Variants in AGTRAP observed in about 807,000 individuals in gnomAD.
AGTRAP encodes type-1 angiotensin II receptor-associated protein.
AGTRAP carries 7 observed loss-of-function variants against 15.2 expected under a neutral mutation model. The observed-to-expected ratio is 0.46, with a 90% CI of 0.26 to 0.87. The LOEUF (loss-of-function observed/expected upper bound fraction) is 0.87. Among genes scored for constraint, AGTRAP ranks in the 40% least tolerant of loss-of-function variants. AGTRAP has a pLI of 0.15. For missense variants in AGTRAP, 187 were observed against 213.4 expected, an observed-to-expected ratio of 0.88 and a Z score of 0.77; for synonymous variants, 74 against 89.6, an observed-to-expected ratio of 0.83 and a Z score of 0.98.
Position 11,750,629 on chromosome 1 carries a change from G to C in AGTRAP, c.*437G>C. On this transcript the variant is annotated 3_prime_UTR_variant, in exon 5 of 5. Transcript: ENST00000314340. Reference sequence around the variant, plus strand: ...GAGGAGCAGTCTGGCATGGGAGTGAGGCCCCGTCCTTCTCACTGCCTGGTC... The same window carrying C: ...GAGGAGCAGTCTGGCATGGGAGTGACGCCCCGTCCTTCTCACTGCCTGGTC... 2.7e-6 allele frequency: 1 copy of C among 370,214 alleles called. No individual in the cohort carries two copies. The highest frequency in any genetic ancestry group is 2.0e-5 in the African/African-American group (1 of 49,130). 22.9% of individuals were successfully genotyped at this position (370,214 alleles called of 1,614,324 possible).
chr1:11,737,340 G>A (rs922753369), intron 1 of AGTRAP, among the ~76,000 whole-genome samples: 1 of 152,206 alleles, frequency 6.6e-6, no homozygotes, highest in African/African-American at 2.4e-5. Context: ...AGCAGCCGAG[G>A]CTTGTTGGTA....
intron 1 of AGTRAP, among the ~76,000 whole-genome samples, chr1:11,738,616 A>C (rs777214178): frequency 9.2e-5 from 14 of 152,312 alleles, no homozygotes; most frequent in Non-Finnish European, 1.9e-4. Context: ...TCCACACAAC[A>C]ACACTGAATC....
intron 3 of AGTRAP, 71 bp from the exon 4 acceptor site, chr1:11,748,344 T>C: frequency 6.6e-7 from 1 of 1,520,696 alleles, no homozygotes; most frequent in East Asian, 2.3e-5. Context: ...CGGCTTCCCA[T>C]CCGGTGTGTG....
chr1:11,739,826 C>G (rs917903160), intron 1 of AGTRAP, among the ~76,000 whole-genome samples: 1 of 152,220 alleles, frequency 6.6e-6, no homozygotes, highest in Admixed American at 6.5e-5. Context: ...CGGATACTTA[C>G]AGTGACCGTC....
At position 11,748,295 on chromosome 1, in the gene AGTRAP, A is replaced by G. The variant is rs1642220639; in HGVS notation, c.169-120A>G. The stretch of plus-strand genomic sequence containing the variant: ...GGGGCCCTGCCTGCTTGCTTGATCC[A>G]TTTTCCCGCAAGCCCCAAGGACACA... On this transcript the variant is annotated intron_variant, in intron 3 of 4. Transcript: ENST00000314340. 5.2e-6 allele frequency: 6 copies of G among 1,155,942 alleles called. No homozygotes were observed. The South Asian group carries it at 8.8e-5, about 17-fold the overall frequency. 71.6% of individuals were successfully genotyped at this position (1,155,942 alleles called of 1,614,324 possible).
At chr1:11,749,773 G>A (rs1352363324) in intron 4 of AGTRAP, among the ~76,000 whole-genome samples, 2 of 152,150 alleles carry the variant, frequency 1.3e-5, no homozygotes, top group Non-Finnish European at 1.5e-5. Context: ...GCCTAGGCGT[G>A]GGTCCCAGCA....
At chr1:11,749,033 T>A (rs754891480) in intron 4 of AGTRAP, among the ~76,000 whole-genome samples, 4 of 152,224 alleles carry the variant, frequency 2.6e-5, no homozygotes, top group Non-Finnish European at 5.9e-5. Context: ...CCTCTCCTGC[T>A]GCAGAGACTG....
rs1344551242 is a variant in AGTRAP at position 11,750,550 on chromosome 1, C to A, written c.*358C>A. 9.6e-6 allele frequency: 5 copies of A among 521,482 alleles called. No homozygotes were observed. Among genetic ancestry groups the A allele is most frequent in the South Asian group, 7.7e-5 (3 of 38,934 alleles). 32.3% of individuals were successfully genotyped at this position (521,482 alleles called of 1,614,324 possible). A position where few individuals can be genotyped will look rare whatever the true frequency, so the allele number is the denominator to read the frequency against. ...TGCTGATGCCCCCTCAGGCCTCCCC[C>A]AAGTTTGCTGGGCTTTGGTGGAAGC... On this transcript the variant is annotated 3_prime_UTR_variant, in exon 5 of 5. Coordinates refer to ENST00000314340, the MANE Select transcript of AGTRAP (RefSeq NM_020350.5).
chr1:11,746,258 G>C (rs774223133), intron 2 of AGTRAP: 2 of 1,532,474 alleles, frequency 1.3e-6, no homozygotes, highest in African/African-American at 1.4e-5. Flanking sequence ...CATGATTCAC[G>C]ACCTTGAGAA....
intron 1 of AGTRAP, among the ~76,000 whole-genome samples, chr1:11,740,912 G>T (rs1642014964): frequency 1.3e-5 from 2 of 152,062 alleles, no homozygotes; most frequent in South Asian, 4.1e-4. Flanking sequence ...CTGGATGTTG[G>T]GACCACTGTG....
At chr1:11,739,999 C>T (rs191879645) in intron 1 of AGTRAP, among the ~76,000 whole-genome samples, 1 of 152,328 alleles carries the variant, frequency 6.6e-6, no homozygotes, top group Non-Finnish European at 1.5e-5. Context: ...GGTCCATTGA[C>T]CCCTGTCTGG....
intron 1 of AGTRAP, among the ~76,000 whole-genome samples, chr1:11,741,007 C>T (rs1642018139): frequency 6.6e-6 from 1 of 152,118 alleles, no homozygotes; most frequent in Non-Finnish European, 1.5e-5. Context: ...CAGTGGTTAG[C>T]TCTGAAGATA....
At chr1:11,740,887 T>C (rs1485206083) in intron 1 of AGTRAP, among the ~76,000 whole-genome samples, 3 of 152,136 alleles carry the variant, frequency 2.0e-5, no homozygotes, top group Non-Finnish European at 2.9e-5. Flanking sequence ...CTTTCCTCGG[T>C]GTCTTCTTTA....
intron 2 of AGTRAP, chr1:11,746,586 G>T: frequency 5.2e-6 from 1 of 192,522 alleles, no homozygotes; most frequent in South Asian, 1.0e-4. Flanking sequence ...GTGAGCAAGA[G>T]CATGGCCTCT....
Sources: gnomAD v4.1 joint callset for allele counts (sites outside exome capture counted in the v4.1 genomes callset) on GRCh38, gnomAD v4.1.1 for gene constraint, MANE v1.5 for transcripts, NCBI Gene and HGNC (gene_info 2026-07-23, HGNC 2026-07-21) for gene names.